MPPED2: variants seen among roughly 807,000 people sequenced by gnomAD.
The protein encoded by MPPED2 is metallophosphoesterase domain containing 2, also known as metallophosphoesterase MPPED2.
Under a neutral mutation model 33.0 loss-of-function variants are expected in MPPED2, and 5 were observed. The ratio of observed to expected loss-of-function variants is 0.15; its 90% confidence interval spans 0.08 to 0.32. The LOEUF (loss-of-function observed/expected upper bound fraction) is 0.32, where lower values mean the gene tolerates loss of function less well. Among genes scored for constraint, MPPED2 ranks in the 10% least tolerant of loss-of-function variants. The probability of loss-of-function intolerance (pLI) is 1.00; values close to 1 mark genes in which losing one functional copy is unlikely to be tolerated. For missense variants in MPPED2, 275 were observed against 372.1 expected, an observed-to-expected ratio of 0.74 and a Z score of 2.15; for synonymous variants, 136 against 141.9, an observed-to-expected ratio of 0.96 and a Z score of 0.29.
chr11:30,410,336 T>C lies in MPPED2; in HGVS notation c.*1132A>G. 1 of 985,552 alleles carries C rather than the reference T, an allele frequency of 1.0e-6. No homozygotes were observed. Among genetic ancestry groups the C allele is most frequent in the Non-Finnish European group, 1.2e-6 (1 of 829,698 alleles). The allele number at this position is 985,552 out of a possible 1,614,324, so 61.1% of individuals were successfully genotyped here. The stretch of plus-strand genomic sequence containing the variant: ...ATTTCATTAACAAAGTAACATAAAA[T>C]AGAATAAAGCTCAACAGCATTTACA... On this transcript the variant is annotated 3_prime_UTR_variant, in exon 7 of 7. Transcript: ENST00000358117.
intron 4 of MPPED2, among the ~76,000 whole-genome samples, chr11:30,443,426 C>T (rs948825041): frequency 2.6e-5 from 4 of 152,114 alleles, no homozygotes; most frequent in Non-Finnish European, 5.9e-5. Flanking sequence ...TCTGGTCTGT[C>T]TGACTTCAGG....
At chr11:30,495,244 C>T in intron 4 of MPPED2, 52 bp downstream of exon 4, 2 of 1,253,534 alleles carry the variant, frequency 1.6e-6, no homozygotes, top group Non-Finnish European at 2.3e-6. Flanking sequence ...GCTGTGTTTT[C>T]TTGGTACTGA....
At chr11:30,400,620 A>G (rs1947896404) in intron 6 of MPPED2, among the ~76,000 whole-genome samples, 1 of 152,252 alleles carries the variant, frequency 6.6e-6, no homozygotes, top group Non-Finnish European at 1.5e-5. Context: ...CAAAGAGTGA[A>G]AAGTTTAAAA....
chr11:30,568,221 A>T (rs1202136291), intron 2 of MPPED2, among the ~76,000 whole-genome samples: 3 of 152,202 alleles, frequency 2.0e-5, no homozygotes, highest in Non-Finnish European at 4.4e-5. Context: ...TAAAGATAAG[A>T]CACTAGTAGT....
chr11:30,412,545 T>G (rs533434496), intron 6 of MPPED2, among the ~76,000 whole-genome samples: 58 of 152,302 alleles, frequency 3.8e-4, no homozygotes, highest in Admixed American at 1.8e-3. Flanking sequence ...CCACATTGGC[T>G]AAAATTTCTC....
intron 4 of MPPED2, among the ~76,000 whole-genome samples, chr11:30,435,761 G>GC (rs1565065485): frequency 6.6e-6 from 1 of 152,058 alleles, no homozygotes; most frequent in East Asian, 1.9e-4. Flanking sequence ...TGTCAACTCT[G>GC]CCCCCAAACC....
chr11:30,497,213 T>C (rs1221153238), intron 3 of MPPED2, among the ~76,000 whole-genome samples: 1 of 152,194 alleles, frequency 6.6e-6, no homozygotes, highest in East Asian at 1.9e-4. Context: ...GTTGTTTGGA[T>C]AGAATGGTGG....
At chr11:30,445,433 G>A (rs1949760336) in intron 4 of MPPED2, among the ~76,000 whole-genome samples, 1 of 152,136 alleles carries the variant, frequency 6.6e-6, no homozygotes, top group African/African-American at 2.4e-5. Context: ...TCACTAATTA[G>A]TGTAACCTTT....
chr11:30,571,530 T>C (rs1469611390), intron 2 of MPPED2, among the ~76,000 whole-genome samples: 1 of 152,120 alleles, frequency 6.6e-6, no homozygotes, highest in Non-Finnish European at 1.5e-5. Flanking sequence ...GTCTGCAAAA[T>C]TGCAGCAGTT....
chr11:30,429,862 T>C (rs1280139569), intron 4 of MPPED2, among the ~76,000 whole-genome samples: 1 of 152,224 alleles, frequency 6.6e-6, no homozygotes, highest in Non-Finnish European at 1.5e-5. Context: ...TTCTGGAATT[T>C]GTCATGCTCT....
chr11:30,412,969 C>G (rs1948175764), intron 6 of MPPED2, among the ~76,000 whole-genome samples: 1 of 152,208 alleles, frequency 6.6e-6, no homozygotes, highest in Non-Finnish European at 1.5e-5. Context: ...CTAGTCTCCC[C>G]TCCAGGCATT....
At chr11:30,536,249 TTTA>T (rs1006236127) in intron 2 of MPPED2, 74 bp from the exon 3 acceptor site, 6 of 1,286,304 alleles carry the variant, frequency 4.7e-6, no homozygotes, top group Admixed American at 3.2e-5. Flanking sequence ...CACATACATA[TTTA>T]TTATTATTCG....
At chr11:30,421,096 G>A (rs1332032828) in intron 4 of MPPED2, among the ~76,000 whole-genome samples, 1 of 152,168 alleles carries the variant, frequency 6.6e-6, no homozygotes, top group Non-Finnish European at 1.5e-5. Flanking sequence ...GCACACTCAG[G>A]TAGTTGTTAC....
chr11:30,470,944 A>G (rs1227559715), intron 4 of MPPED2, among the ~76,000 whole-genome samples: 1 of 152,218 alleles, frequency 6.6e-6, no homozygotes. Context: ...AGCTTGCAGG[A>G]TGTGCCACCT....
At chr11:30,416,016 C>T (rs914334042) in intron 5 of MPPED2, among the ~76,000 whole-genome samples, 2 of 152,208 alleles carry the variant, frequency 1.3e-5, no homozygotes, top group Non-Finnish European at 2.9e-5. Context: ...GTAACTCATG[C>T]TGATCACAAT....
intron 2 of MPPED2, among the ~76,000 whole-genome samples, chr11:30,559,929 G>A (rs1373971748): frequency 6.6e-6 from 1 of 152,160 alleles, no homozygotes; most frequent in African/African-American, 2.4e-5. Context: ...AGGGCATAAT[G>A]GGCACTATAG....
intron 3 of MPPED2, among the ~76,000 whole-genome samples, chr11:30,504,391 G>C (rs773119917): frequency 7.2e-5 from 11 of 152,172 alleles, no homozygotes; most frequent in Admixed American, 2.0e-4. Context: ...ATGGGCTAAG[G>C]AGACATTTCA....
At chr11:30,551,594 C>A (rs1367073240) in intron 2 of MPPED2, among the ~76,000 whole-genome samples, 1 of 152,162 alleles carries the variant, frequency 6.6e-6, no homozygotes, top group Non-Finnish European at 1.5e-5. Context: ...AAAGTGCTGT[C>A]TTTTGTCAGG....
At chr11:30,546,355 G>A (rs1955426412) in intron 2 of MPPED2, among the ~76,000 whole-genome samples, 1 of 152,082 alleles carries the variant, frequency 6.6e-6, no homozygotes, top group East Asian at 1.9e-4. Flanking sequence ...TTTTTTTAAT[G>A]TTGTAGGGGA....
Sources: gnomAD v4.1 joint callset for allele counts (sites outside exome capture counted in the v4.1 genomes callset) on GRCh38, gnomAD v4.1.1 for gene constraint, MANE v1.5 for transcripts, NCBI Gene and HGNC (gene_info 2026-07-23, HGNC 2026-07-21) for gene names.